Variants in PDE10A observed in about 807,000 individuals in gnomAD.
PDE10A encodes cAMP and cAMP-inhibited cGMP 3',5'-cyclic phosphodiesterase 10A.
In PDE10A, 39 loss-of-function variants were observed where a neutral mutation model predicts 97.7. The ratio of observed to expected loss-of-function variants is 0.40; its 90% CI spans 0.31 to 0.52. The LOEUF (loss-of-function observed/expected upper bound fraction) is 0.52, where lower values mean the gene tolerates loss of function less well. Ranked by LOEUF, PDE10A falls within the 20% of genes least tolerant of loss-of-function variation. The pLI, the probability that PDE10A is intolerant of heterozygous loss-of-function variation, is 0.56. For synonymous variants in PDE10A, 371 were observed against 376.8 expected, an observed-to-expected ratio of 0.98 and a Z score of 0.18; for missense variants, 731 against 1,047.8, an observed-to-expected ratio of 0.70 and a Z score of 4.17.
chr6:165,538,912 G>C (rs777847453), intron 2 of PDE10A, among the ~76,000 whole-genome samples: 1 of 152,150 alleles, frequency 6.6e-6, no homozygotes, highest in African/African-American at 2.4e-5. Flanking sequence ...GAAATTTACT[G>C]TCAAATTTAC....
intron 1 of PDE10A, among the ~76,000 whole-genome samples, chr6:165,956,237 C>T (rs550254859): frequency 2.6e-5 from 4 of 152,142 alleles, no homozygotes; most frequent in African/African-American, 4.8e-5. Context: ...GAGCAGGGTA[C>T]CCTATTAGCA....
chr6:165,884,512 C>T (rs1038054804), intron 1 of PDE10A, among the ~76,000 whole-genome samples: 1 of 152,176 alleles, frequency 6.6e-6, no homozygotes, highest in Non-Finnish European at 1.5e-5. Flanking sequence ...AGCCACGGGT[C>T]CTTTACTGTC....
chr6:165,422,742 A>T (rs141064657), intron 10 of PDE10A, among the ~76,000 whole-genome samples: 254 of 152,306 alleles, frequency 1.7e-3, no homozygotes, highest in African/African-American at 5.9e-3. Context: ...ATTCAAGGAC[A>T]CATGGGAAGA....
rs1219309325 is a variant in PDE10A at position 165,906,559 on chromosome 6, G to C, written c.-615+80970C>G. Among the ~76,000 whole-genome samples the C allele has an allele frequency of 3.9e-5, 6 of 152,182 alleles. No homozygotes were observed. The East Asian group carries it at 9.6e-4, about 24-fold the overall frequency. On this transcript the variant is annotated intron_variant, in intron 1 of 19. Coordinates refer to the PDE10A transcript ENST00000366882. ...TTTTATAATGAAATAATAGATAATG[G>C]CTTCAGAAAGTCAGATTAGGACAAA...
intron 3 of PDE10A, among the ~76,000 whole-genome samples, chr6:165,472,156 T>C (rs958769339): frequency 1.6e-4 from 25 of 152,114 alleles, no homozygotes; most frequent in Admixed American, 2.6e-4. Flanking sequence ...TCCTAATTTT[T>C]TCAGTTTTTT....
intron 1 of PDE10A, among the ~76,000 whole-genome samples, chr6:165,845,490 A>T (rs1456973603): frequency 6.6e-6 from 1 of 152,238 alleles, no homozygotes; most frequent in Non-Finnish European, 1.5e-5. Flanking sequence ...AGGGGAAAAG[A>T]AGGTAAAATT....
chr6:165,561,658 T>A (rs1583544226), intron 1 of PDE10A, among the ~76,000 whole-genome samples: 1 of 152,304 alleles, frequency 6.6e-6, no homozygotes, highest in African/African-American at 2.4e-5. Context: ...AAATAACCAA[T>A]AACCAGTTAT....
In PDE10A at chr6:165,655,253, T is replaced by C. The variant is rs1048480633; in HGVS notation, c.865+6694A>G. ...TTAGATGCTGTGACTGCAGTTTCTATGCTGCAGTCTTGAACGATCCTTTGG... is the reference window on the plus strand; with the variant it reads ...TTAGATGCTGTGACTGCAGTTTCTACGCTGCAGTCTTGAACGATCCTTTGG... On this transcript the variant is annotated intron_variant, in intron 1 of 21. Transcript: ENST00000539869. This position sits in a 1 kb window ranked among gnomAD's most constrained non-coding sequence, Gnocchi z 4.5. Among the ~76,000 whole-genome samples, 13 of 152,284 alleles carry C rather than the reference T, an allele frequency of 8.5e-5. No individual in the cohort carries two copies. Among genetic ancestry groups the C allele is most frequent in the African/African-American group, 3.1e-4 (13 of 41,554 alleles).
At chr6:165,893,843 G>A (rs1221505764) in intron 1 of PDE10A, among the ~76,000 whole-genome samples, 4 of 122,464 alleles carry the variant, frequency 3.3e-5, no homozygotes, top group Non-Finnish European at 6.9e-5. Flanking sequence ...TTTTTTTTTA[G>A]CTTTTGGCTT....
chr6:165,773,625 C>T (rs1463471398), intron 1 of PDE10A, among the ~76,000 whole-genome samples: 2 of 152,136 alleles, frequency 1.3e-5, no homozygotes, highest in African/African-American at 2.4e-5. Context: ...CTGACTCAAG[C>T]GCATGCAATA....
rs1322023912 is a variant in PDE10A, at chr6:165,396,270, T to A, written c.2219+47A>T. ...TAATCTGTCTCACTTTAAGTTCAAT[T>A]CAATTAAAAATGGTTCCTGAAGAAA... On this transcript the variant is annotated intron_variant, in intron 14 of 21. Transcript: ENST00000539869. 1.9e-6 allele frequency: 3 copies of A among 1,572,054 alleles called. No homozygotes were observed. In the African/African-American group the frequency reaches 4.1e-5, roughly 21 times the overall value.
intron 1 of PDE10A, among the ~76,000 whole-genome samples, chr6:165,601,166 C>T (rs1314968946): frequency 6.6e-6 from 1 of 152,180 alleles, no homozygotes; most frequent in Admixed American, 6.5e-5. Context: ...ACTTTTGCTT[C>T]TTCCTCATTT....
At chr6:165,912,955 A>G (rs1035077909) in intron 1 of PDE10A, among the ~76,000 whole-genome samples, 6 of 152,258 alleles carry the variant, frequency 3.9e-5, no homozygotes, top group African/African-American at 1.4e-4. Context: ...ATATATATAC[A>G]GGTTGAACAT....
chr6:165,457,519 G>A (rs1778029283), intron 3 of PDE10A, among the ~76,000 whole-genome samples: 1 of 152,032 alleles, frequency 6.6e-6, no homozygotes, highest in South Asian at 2.1e-4. Context: ...TATTAAAACT[G>A]AACTATGTCA....
chr6:165,691,790 A>T (rs974911343), intron 1 of PDE10A, among the ~76,000 whole-genome samples: 2 of 152,206 alleles, frequency 1.3e-5, no homozygotes. Context: ...CTCAGCCCTG[A>T]GGCAGCCTGG....
At chr6:165,886,356 C>T (rs1781633140) in intron 1 of PDE10A, among the ~76,000 whole-genome samples, 1 of 147,996 alleles carries the variant, frequency 6.8e-6, no homozygotes, top group South Asian at 2.2e-4. Context: ...TGGAAATCCT[C>T]CAGCCCTGGA....
intron 2 of PDE10A, among the ~76,000 whole-genome samples, chr6:165,528,300 A>G (rs555227): frequency 0.69 from 105,317 of 152,068 alleles, 39,784 homozygotes; most frequent in Non-Finnish European, 0.83. Flanking sequence ...AGGATGAACC[A>G]TTCTGTGGAC....
chr6:165,744,928 CAT>C (rs996768058), intron 1 of PDE10A, among the ~76,000 whole-genome samples: 3 of 151,942 alleles, frequency 2.0e-5, no homozygotes, highest in South Asian at 2.1e-4. Context: ...AAAGGGCACA[CAT>C]GTTTTTATTT....
At chr6:165,417,331 T>C (rs550273672) in intron 11 of PDE10A, among the ~76,000 whole-genome samples, 3 of 152,138 alleles carry the variant, frequency 2.0e-5, no homozygotes. Context: ...CTTCTTTGCG[T>C]TGGTCTGAGA....
Sources: gnomAD v4.1 joint callset for allele counts (sites outside exome capture counted in the v4.1 genomes callset) on GRCh38, gnomAD v4.1.1 for gene constraint, Gnocchi (gnomAD v3.1) non-coding constraint, MANE v1.5 for transcripts, NCBI Gene and HGNC (gene_info 2026-07-23, HGNC 2026-07-21) for gene names.